Variants in PRKAR1B observed in about 807,000 individuals in gnomAD.
PRKAR1B encodes cAMP-dependent protein kinase type I-beta regulatory subunit.
PRKAR1B carries 22 observed loss-of-function variants against 46.5 expected under a neutral mutation model. The ratio of observed to expected loss-of-function variants is 0.47; its 90% confidence interval spans 0.34 to 0.68. The LOEUF is 0.68. Among genes scored for constraint, PRKAR1B ranks in the 30% least tolerant of loss-of-function variants. PRKAR1B has a pLI of 0.01. For missense variants in PRKAR1B, 445 were observed against 535.6 expected (o/e 0.83, Z 1.67); for synonymous variants, 259 against 217.7 (o/e 1.19, Z -1.67).
At chr7:664,304 T>C (rs1785783450) in intron 4 of PRKAR1B, among the ~76,000 whole-genome samples, 1 of 152,126 alleles carries the variant, frequency 6.6e-6, no homozygotes, top group African/African-American at 2.4e-5. Context: ...CGCTATGTGG[T>C]CCCCGACACA....
chr7:692,442 GAGA>G (rs1337520829), intron 2 of PRKAR1B, among the ~76,000 whole-genome samples: 2 of 152,050 alleles, frequency 1.3e-5, no homozygotes, highest in African/African-American at 2.4e-5. Flanking sequence ...GAGAGAGAGA[GAGA>G]AGGAGAAGAG....
At chr7:607,490 G>A (rs777352655) in intron 4 of PRKAR1B, 38 bp from the exon 5 acceptor site, 4 of 1,569,172 alleles carry the variant, frequency 2.5e-6, no homozygotes, top group Non-Finnish European at 3.5e-6. Flanking sequence ...GCTGCAGGCA[G>A]CACAGGGACA....
intron 4 of PRKAR1B, among the ~76,000 whole-genome samples, chr7:637,556 G>A (rs770908066): frequency 7.2e-5 from 11 of 152,112 alleles, no homozygotes; most frequent in East Asian, 1.9e-4. Flanking sequence ...ATAATGGGCC[G>A]GGTGCGGTGG....
At chr7:704,498 G>A (rs751845824) in intron 2 of PRKAR1B, among the ~76,000 whole-genome samples, 90 of 152,288 alleles carry the variant, frequency 5.9e-4, no homozygotes, top group Admixed American at 1.7e-3. Context: ...AACTATGGCC[G>A]GGTGCGGTGG....
intron 2 of PRKAR1B, among the ~76,000 whole-genome samples, chr7:710,917 G>T (rs1439858622): frequency 1.3e-5 from 2 of 152,128 alleles, no homozygotes; most frequent in Non-Finnish European, 2.9e-5. Flanking sequence ...GTGCTGGGAT[G>T]ACAGGTGTGA....
intron 9 of PRKAR1B, among the ~76,000 whole-genome samples, chr7:553,183 T>C (rs1423093967): frequency 1.3e-5 from 2 of 152,176 alleles, no homozygotes; most frequent in Admixed American, 6.5e-5. Context: ...AACCTAGGAA[T>C]GTCCCGCTGA....
At position 575,658 on chromosome 7, in the gene PRKAR1B, G is replaced by A. The variant is rs192953746; in HGVS notation, c.891+3598C>T. 3.1e-3 allele frequency among the ~76,000 whole-genome samples: 473 copies of A among 152,108 alleles called. 2 individuals carry two copies. Among genetic ancestry groups the A allele is most frequent in the African/African-American group, 1.0e-2 (413 of 41,492 alleles). ...ACTCCTGAGCTCAAGCGATCCTCCC[G>A]CCTCCGCCTCCCAAGTAGCTGGGAC... On this transcript the variant is annotated intron_variant, in intron 9 of 10. Coordinates refer to ENST00000537384, the MANE Select transcript of PRKAR1B (RefSeq NM_001164760.2).
rs1323682814 is a variant in PRKAR1B at position 675,196 on chromosome 7, C to T, written c.440+2033G>A. Among the ~76,000 whole-genome samples, 4 of 152,226 alleles carry T rather than the reference C, an allele frequency of 2.6e-5. 1 individual carries two copies. The highest frequency in any genetic ancestry group is 5.9e-5 in the Non-Finnish European group (4 of 68,042). On this transcript the variant is annotated intron_variant, in intron 4 of 10. Transcript: ENST00000537384. ...ACTCTGATTCATTCTTACAATGGAACGCTGTGCAGATACGCACAACAATTA... is the reference window on the plus strand; with the variant it reads ...ACTCTGATTCATTCTTACAATGGAATGCTGTGCAGATACGCACAACAATTA...
At position 590,605 on chromosome 7, in the gene PRKAR1B, C is replaced by CCAGGT. The variant is rs567747404; in HGVS notation, c.708+5536_708+5540dup. Among the ~76,000 whole-genome samples, 85 of 152,312 alleles carry CCAGGT rather than the reference C, an allele frequency of 5.6e-4. 1 individual carries two copies. The South Asian group carries it at 7.5e-3, about 13-fold the overall frequency. On this transcript the variant is annotated intron_variant, in intron 7 of 10. Transcript: ENST00000537384. ...GTGGGAACCCAGCCCTCCCCGATAC[C>CCAGGT]CAGGTCTCAGTTTCTCCATCAGCTC...
intron 4 of PRKAR1B, among the ~76,000 whole-genome samples, chr7:673,566 G>A (rs1390393568): frequency 2.0e-5 from 3 of 151,252 alleles, no homozygotes; most frequent in Admixed American, 6.6e-5. Context: ...GGAGAATGAC[G>A]TGAACCTGTG....
rs76064512 is a variant in PRKAR1B, at chr7:627,412, C to T, written c.441-19960G>A. Among the ~76,000 whole-genome samples, 953 of 152,320 alleles carry T rather than the reference C, an allele frequency of 6.3e-3. 11 individuals carry two copies. Among genetic ancestry groups the T allele is most frequent in the African/African-American group, 0.022 (899 of 41,568 alleles). On this transcript the variant is annotated intron_variant, in intron 4 of 10. Transcript: ENST00000537384. ...TCACTCTCACCTGGAACTTTTACAA[C>T]ACCCATTTTACAGACGGGACACTGA...
At chr7:701,011 A>T (rs1486007395) in intron 2 of PRKAR1B, among the ~76,000 whole-genome samples, 1 of 152,102 alleles carries the variant, frequency 6.6e-6, no homozygotes, top group Non-Finnish European at 1.5e-5. Context: ...AACATGGCTG[A>T]ACCCCATCTC....
In PRKAR1B at chr7:596,292, C is replaced by T. The variant is rs1374209048; in HGVS notation, c.562G>A (p.Gly188Arg). The T allele has an allele frequency of 2.2e-5, 35 of 1,612,594 alleles. No homozygotes were observed. The highest frequency in any genetic ancestry group is 2.8e-5 in the Non-Finnish European group (33 of 1,179,202). The change falls in exon 7 of 11, where the codon GGA becomes AGA. Residue 188 changes from glycine (G) to arginine (R), a missense_variant. Around this residue, in one of 5 missense-constraint regions of PRKAR1B, gnomAD observed 18 missense variants for 58.1 expected, o/e 0.31. Transcript: ENST00000537384. ...DQGEVDVYVN[G>R]EWVTNISEGG... ...TCGCTGATGTTGGTCACCCACTCTC[C>T]GTTCACGTACACCTTTGGGGAGCAA...
At chr7:563,707 CAT>C (rs1491122351) in intron 9 of PRKAR1B, among the ~76,000 whole-genome samples, 4 of 151,550 alleles carry the variant, frequency 2.6e-5, no homozygotes, top group South Asian at 2.1e-4. Flanking sequence ...GCGGTGTGTG[CAT>C]GTGTGTGTGT....
At chr7:563,701 T>C (rs1778953813) in intron 9 of PRKAR1B, among the ~76,000 whole-genome samples, 1 of 151,950 alleles carries the variant, frequency 6.6e-6, no homozygotes, top group South Asian at 2.1e-4. Flanking sequence ...GTCTGTGCGG[T>C]GTGTGCATGT....
chr7:606,540 G>C (rs545455866), intron 5 of PRKAR1B, among the ~76,000 whole-genome samples: 1 of 152,224 alleles, frequency 6.6e-6, no homozygotes, highest in South Asian at 2.1e-4. Context: ...CCACCTCCCA[G>C]GTTCAAGCGA....
At position 564,080 on chromosome 7, in the gene PRKAR1B, G is replaced by T. The variant is rs182187474; in HGVS notation, c.892-12610C>A. Among the ~76,000 whole-genome samples the T allele has an allele frequency of 9.9e-3, 1,505 of 152,106 alleles. 11 individuals carry two copies. The highest frequency in any genetic ancestry group is 0.05 in the South Asian group (240 of 4,800). ...CGTTCTGATCCTGGTGTTCCCAAAGGGTCTCCTCCCTCCCTGTTCAGTCTC... is the reference window on the plus strand; with the variant it reads ...CGTTCTGATCCTGGTGTTCCCAAAGTGTCTCCTCCCTCCCTGTTCAGTCTC... On this transcript the variant is annotated intron_variant, in intron 9 of 10. Transcript: ENST00000537384.
intron 2 of PRKAR1B, among the ~76,000 whole-genome samples, chr7:693,989 C>T (rs1779587541): frequency 6.6e-6 from 1 of 152,148 alleles, no homozygotes; most frequent in Non-Finnish European, 1.5e-5. Context: ...GCGATAACCG[C>T]GAGACCTGGA....
chr7:709,242 G>A (rs1040628271), intron 2 of PRKAR1B, among the ~76,000 whole-genome samples: 1 of 150,242 alleles, frequency 6.7e-6, no homozygotes, highest in Non-Finnish European at 1.5e-5. Context: ...TATAAAAAAT[G>A]AAAAATACAA....
Sources: allele counts gnomAD v4.1 joint callset (sites outside exome capture counted in the v4.1 genomes callset), GRCh38; gene constraint gnomAD v4.1.1; regional missense constraint gnomAD v4.1.1; transcripts MANE v1.5; gene names NCBI Gene and HGNC (gene_info 2026-07-23, HGNC 2026-07-21).